Variants in CAMKMT observed in about 807,000 individuals in gnomAD.
The protein encoded by CAMKMT is CaM KMT.
In CAMKMT, 53 loss-of-function variants were observed where a neutral mutation model predicts 48.0. The observed-to-expected ratio is 1.10, with a 90% CI of 0.89 to 1.39. CAMKMT has a LOEUF of 1.39. CAMKMT is among the 40% of genes most tolerant of loss of function. The pLI is 0.00. For missense variants in CAMKMT, 428 were observed against 402.7 expected (o/e 1.06, Z -0.54); for synonymous variants, 165 against 152.3 (o/e 1.08, Z -0.61).
intron 2 of CAMKMT, among the ~76,000 whole-genome samples, chr2:44,383,262 T>G (rs1313767618): frequency 1.3e-5 from 2 of 152,004 alleles, no homozygotes; most frequent in Non-Finnish European, 2.9e-5. Flanking sequence ...CCTCCCAGGT[T>G]CAAGCAATTC....
At chr2:44,585,279 G>T (rs905396272) in intron 3 of CAMKMT, among the ~76,000 whole-genome samples, 1 of 152,300 alleles carries the variant, frequency 6.6e-6, no homozygotes, top group East Asian at 1.9e-4. Context: ...AGAGCAAATT[G>T]TACCAGATCG....
chr2:44,425,082 G>C (rs536941664), intron 3 of CAMKMT, among the ~76,000 whole-genome samples: 10 of 151,734 alleles, frequency 6.6e-5, no homozygotes, highest in African/African-American at 1.9e-4. Context: ...GTGACTCAAA[G>C]TTAAAGAATA....
At chr2:44,384,500 C>CTTTTTTT (rs141017634) in intron 2 of CAMKMT, among the ~76,000 whole-genome samples, 67 of 95,664 alleles carry the variant, frequency 7.0e-4, no homozygotes, top group East Asian at 1.0e-3. Flanking sequence ...AGCTATTTAT[C>CTTTTTTT]TTTTTTTTTT....
At chr2:44,633,207 A>C (rs1368209151) in intron 3 of CAMKMT, among the ~76,000 whole-genome samples, 1 of 152,192 alleles carries the variant, frequency 6.6e-6, no homozygotes, top group Non-Finnish European at 1.5e-5. Context: ...ATTATAAAAA[A>C]GAGAACTTTA....
At chr2:44,751,158 G>A (rs1680137648) in intron 8 of CAMKMT, among the ~76,000 whole-genome samples, 3 of 152,184 alleles carry the variant, frequency 2.0e-5, no homozygotes. Flanking sequence ...CTTGGAAAAG[G>A]GAGAGATCAC....
At chr2:44,717,856 A>AG (rs1296380883) in intron 7 of CAMKMT, among the ~76,000 whole-genome samples, 11 of 151,956 alleles carry the variant, frequency 7.2e-5, no homozygotes, top group Non-Finnish European at 1.6e-4. Context: ...AAAAAAAAAA[A>AG]AAACAAGCTG....
chr2:44,685,041 A>G (rs1029858160), intron 3 of CAMKMT, among the ~76,000 whole-genome samples: 2 of 152,184 alleles, frequency 1.3e-5, no homozygotes, highest in African/African-American at 2.4e-5. Context: ...TGAATACAGC[A>G]TAACTTCATG....
intron 7 of CAMKMT, among the ~76,000 whole-genome samples, chr2:44,738,796 C>T (rs985937835): frequency 4.6e-5 from 7 of 152,112 alleles, no homozygotes; most frequent in African/African-American, 1.4e-4. Context: ...AAGTGCTGGA[C>T]TGAAAATAAA....
chr2:44,416,568 A>ATTTTTTTTTT (rs34882377), intron 3 of CAMKMT, among the ~76,000 whole-genome samples: 1 of 80,274 alleles, frequency 1.2e-5, no homozygotes, highest in African/African-American at 4.9e-5. Flanking sequence ...ACTTAGCATG[A>ATTTTTTTTTT]TTTTTTTTTT....
chr2:44,695,851 C>T (rs763559151), intron 3 of CAMKMT, among the ~76,000 whole-genome samples: 35 of 151,460 alleles, frequency 2.3e-4, no homozygotes, highest in Admixed American at 1.2e-3. Flanking sequence ...GCTGGTTCTC[C>T]GTATCCATGG....
At chr2:44,490,576 T>C (rs1163328608) in intron 3 of CAMKMT, among the ~76,000 whole-genome samples, 1 of 150,112 alleles carries the variant, frequency 6.7e-6, no homozygotes, top group Admixed American at 6.6e-5. Context: ...CACCCAGCCT[T>C]ATCGTTTTTC....
intron 3 of CAMKMT, among the ~76,000 whole-genome samples, chr2:44,670,368 C>T (rs1360624705): frequency 2.0e-5 from 3 of 152,090 alleles, no homozygotes; most frequent in African/African-American, 7.2e-5. Flanking sequence ...CACTTGACAC[C>T]AGGAGTTCAA....
intron 3 of CAMKMT, among the ~76,000 whole-genome samples, chr2:44,474,074 C>G (rs1182474445): frequency 6.6e-6 from 1 of 152,150 alleles, no homozygotes; most frequent in Non-Finnish European, 1.5e-5. Context: ...TGTGCATATA[C>G]ATGGTATATG....
intron 3 of CAMKMT, among the ~76,000 whole-genome samples, chr2:44,678,588 AT>A (rs1262646126): frequency 6.6e-6 from 1 of 152,046 alleles, no homozygotes; most frequent in Non-Finnish European, 1.5e-5. Flanking sequence ...TGATATTCAT[AT>A]TTTTTTTCCT....
chr2:44,541,278 T>A (rs1453050231), intron 3 of CAMKMT, among the ~76,000 whole-genome samples: 2 of 152,202 alleles, frequency 1.3e-5, no homozygotes, highest in Admixed American at 1.3e-4. Context: ...ATTTATAAAT[T>A]AGCTTAGAGA....
chr2:44,539,885 A>G (rs943678523), intron 3 of CAMKMT, among the ~76,000 whole-genome samples: 9 of 152,308 alleles, frequency 5.9e-5, no homozygotes, highest in East Asian at 1.9e-4. Context: ...ACTGTGATCA[A>G]TTGGTGATGA....
At chr2:44,537,361 A>G (rs887229522) in intron 3 of CAMKMT, among the ~76,000 whole-genome samples, 2 of 152,196 alleles carry the variant, frequency 1.3e-5, no homozygotes, top group African/African-American at 4.8e-5. Context: ...GAGAAGGGAC[A>G]TGAATATACA....
chr2:44,663,450 T>C (rs1401212712), intron 3 of CAMKMT, among the ~76,000 whole-genome samples: 3 of 152,250 alleles, frequency 2.0e-5, no homozygotes, highest in Non-Finnish European at 2.9e-5. Flanking sequence ...TCTTTGAGCT[T>C]CCCCTTCTGT....
At chr2:44,746,863 C>T (rs1447742275) in intron 8 of CAMKMT, among the ~76,000 whole-genome samples, 1 of 152,178 alleles carries the variant, frequency 6.6e-6, no homozygotes. Flanking sequence ...AATTTTAAGC[C>T]TGCCTTTCCA....
Sources: allele counts gnomAD v4.1 joint callset (sites outside exome capture counted in the v4.1 genomes callset), GRCh38; gene constraint gnomAD v4.1.1; transcripts MANE v1.5; gene names NCBI Gene and HGNC (gene_info 2026-07-23, HGNC 2026-07-21).